Variants in FTSJ1 observed in about 807,000 individuals in gnomAD.
FTSJ1 encodes the protein tRNA (cytidine(32)/guanosine(34)-2'-O)-methyltransferase.
In FTSJ1, 3 loss-of-function variants were observed where a neutral mutation model predicts 28.5. That is an observed-to-expected ratio of 0.11 (90% confidence interval 0.05 to 0.27). The LOEUF (loss-of-function observed/expected upper bound fraction) is 0.27, where lower values mean the gene tolerates loss of function less well. Among genes scored for constraint, FTSJ1 ranks in the 10% least tolerant of loss-of-function variants. The probability of loss-of-function intolerance (pLI) is 1.00; values close to 1 mark genes in which losing one functional copy is unlikely to be tolerated. For synonymous variants in FTSJ1, 104 were observed against 113.9 expected (o/e 0.91, Z 0.55); for missense variants, 162 against 279.0 (o/e 0.58, Z 2.99).
In FTSJ1 at chrX:48,482,669, T is replaced by G; in HGVS notation, c.832T>G (p.Cys278Gly). 1 of 1,205,327 alleles carries G rather than the reference T, an allele frequency of 8.3e-7. No individual in the cohort carries two copies. Among genetic ancestry groups the G allele is most frequent in the Non-Finnish European group, 1.1e-6 (1 of 891,838 alleles). The change falls in exon 11 of 13, where the codon TGC (cysteine) becomes GGC (glycine). Residue 278 changes from cysteine (C) to glycine (G), a missense_variant. Coordinates refer to ENST00000348411, the MANE Select transcript of FTSJ1 (RefSeq NM_012280.4). Reference protein sequence around the residue: ...PPISPPYQEACTLKRKGQLAK... With the variant: ...PPISPPYQEAGTLKRKGQLAK... ...CATCTCGCCACCATACCAGGAGGCC[T>G]GCACGTTGAAGAGGAAGGGGCAGCT...
intron 1 of FTSJ1, among the ~76,000 whole-genome samples, chrX:48,476,926 G>A (rs2061535918): frequency 9.0e-6 from 1 of 110,667 alleles, no homozygotes; most frequent in African/African-American, 3.3e-5. Context: ...ATGGGGCATC[G>A]TAATGGCAAG....
At position 48,486,114 on chromosome X, in the gene FTSJ1, T is replaced by TG. The variant is rs2061601620; in HGVS notation, c.*389dup. 1 of 112,328 alleles carries TG rather than the reference T, an allele frequency of 8.9e-6. No homozygotes were observed. Among genetic ancestry groups the TG allele is most frequent in the South Asian group, 3.7e-4 (1 of 2,725 alleles). 9.3% of individuals were successfully genotyped at this position (112,328 alleles called of 1,213,427 possible). ...TTTAGCCTTACTCCCAAGTTATAAA[T>TG]GCTGGCAACAAATCACAGTAGTAAA... On this transcript the variant is annotated 3_prime_UTR_variant, in exon 13 of 13. Transcript: ENST00000348411.
At chrX:48,476,525 G>C in intron 1 of FTSJ1, 129 bp downstream of exon 1, 1 of 270,707 alleles carries the variant, frequency 3.7e-6, no homozygotes, top group Non-Finnish European at 6.5e-6. Flanking sequence ...TCGGGCGGCT[G>C]GCACCGGGTG....
At chrX:48,476,692 GT>G (rs1343029365) in intron 1 of FTSJ1, 20 of 126,496 alleles carry the variant, frequency 1.6e-4, no homozygotes, top group African/African-American at 5.7e-4. Flanking sequence ...GGGACGGGGA[GT>G]GTGGTCAGAA....
At chrX:48,479,775 C>T (rs183015252) in intron 5 of FTSJ1, among the ~76,000 whole-genome samples, 2 of 111,712 alleles carry the variant, frequency 1.8e-5, no homozygotes, top group Admixed American at 9.5e-5. Context: ...CCCAAGAGGT[C>T]GAGGTTACAG....
intron 5 of FTSJ1, among the ~76,000 whole-genome samples, chrX:48,480,503 G>C (rs2061561831): frequency 9.1e-6 from 1 of 109,616 alleles, no homozygotes; most frequent in South Asian, 4.0e-4. Context: ...TGAGGCTGTT[G>C]GCATTTTCAC....
At chrX:48,480,217 T>C (rs1048396338) in intron 5 of FTSJ1, among the ~76,000 whole-genome samples, 4 of 109,559 alleles carry the variant, frequency 3.7e-5, no homozygotes, top group Non-Finnish European at 3.8e-5. Flanking sequence ...GGAGTACCTG[T>C]TGGAATTTTA....
chrX:48,483,067 A>G (rs1324921976), intron 12 of FTSJ1, 40 bp downstream of exon 12: 2 of 1,043,951 alleles, frequency 1.9e-6, no homozygotes, highest in Non-Finnish European at 2.7e-6. Flanking sequence ...AGTAAGGGCA[A>G]CCTTTATGAA....
intron 12 of FTSJ1, among the ~76,000 whole-genome samples, chrX:48,484,418 C>T (rs2061589291): frequency 1.9e-5 from 2 of 107,870 alleles, no homozygotes; most frequent in Admixed American, 2.0e-4. Flanking sequence ...CTCGCTCTGT[C>T]GCCCAGGCTG....
At chrX:48,483,998 G>A (rs1349939431) in intron 12 of FTSJ1, among the ~76,000 whole-genome samples, 4 of 111,268 alleles carry the variant, frequency 3.6e-5, no homozygotes, top group Non-Finnish European at 7.5e-5. Context: ...CTAAAACCAC[G>A]ATGTTAGAGG....
intron 11 of FTSJ1, 25 bp downstream of exon 11, chrX:48,482,819 G>A: frequency 8.3e-7 from 1 of 1,206,615 alleles, no homozygotes; most frequent in Non-Finnish European, 1.1e-6. Context: ...CTCTCAGCCT[G>A]CCTTGACCCC....
Position 48,476,246 on chromosome X carries a change from C to A in FTSJ1, c.-238C>A, listed in dbSNP as rs782305846. ...CCGGAACCTGGGCGATCCACGATGCCGAGTTTGCCACGCTGCGACAGCCCA... is the reference window on the plus strand; with the variant it reads ...CCGGAACCTGGGCGATCCACGATGCAGAGTTTGCCACGCTGCGACAGCCCA... On this transcript the variant is annotated 5_prime_UTR_variant, in exon 1 of 13. Coordinates refer to ENST00000348411, the MANE Select transcript of FTSJ1 (RefSeq NM_012280.4). 24 of 297,568 alleles carry A rather than the reference C, an allele frequency of 8.1e-5. No homozygotes were observed. The highest frequency in any genetic ancestry group is 5.1e-4 in the African/African-American group (19 of 37,078). The allele number at this position is 297,568 out of a possible 1,213,427, so 24.5% of individuals were successfully genotyped here.
chrX:48,478,630 G>A lies in FTSJ1; in HGVS notation c.205G>A (p.Gly69Ser), dbSNP rs782012239. 21 of 1,208,365 alleles carry A rather than the reference G, an allele frequency of 1.7e-5. No individual in the cohort carries two copies. The highest frequency in any genetic ancestry group is 2.4e-5 in the Non-Finnish European group (21 of 892,948). ...TGTTGTCCACAGGGGCCAAGGGTCC[G>A]GCCACGTGGTGGCTGTGGACCTGCA... ...LSQKIGGQGS[G>S]HVVAVDLQAM... The change falls in exon 4 of 13, where the codon GGC (glycine) becomes AGC (serine). Residue 69 changes from glycine (G) to serine (S), a missense_variant. Transcript: ENST00000348411.
At chrX:48,477,899 G>A in intron 1 of FTSJ1, 62 bp from the exon 2 acceptor site, 1 of 854,749 alleles carries the variant, frequency 1.2e-6, no homozygotes, top group Non-Finnish European at 1.7e-6. Context: ...CATCTTCTGT[G>A]TGAGCTGTCA....
At chrX:48,477,717 G>C (rs2061542048) in intron 1 of FTSJ1, among the ~76,000 whole-genome samples, 1 of 110,644 alleles carries the variant, frequency 9.0e-6, no homozygotes, top group Admixed American at 9.6e-5. Flanking sequence ...GTTCACAAGT[G>C]GGCCATCTAT....
Position 48,486,310 on chromosome X carries a change from G to T in FTSJ1, c.*584G>T, listed in dbSNP as rs1963802625. 1.8e-5 allele frequency: 2 copies of T among 111,618 alleles called. No individual in the cohort carries two copies. The highest frequency in any genetic ancestry group is 7.5e-4 in the South Asian group (2 of 2,670). 9.2% of individuals were successfully genotyped at this position (111,618 alleles called of 1,213,427 possible). A position where few individuals can be genotyped will look rare whatever the true frequency, so the allele number is the denominator to read the frequency against. On this transcript the variant is annotated 3_prime_UTR_variant, in exon 13 of 13. Coordinates refer to ENST00000348411, the MANE Select transcript of FTSJ1 (RefSeq NM_012280.4). ...CCATATATTACTGCATCTCAATTTT[G>T]TTTCAATTTAATATATAGTAATAAT...
In FTSJ1 at chrX:48,478,179, G is replaced by A. The variant is rs1556967012; in HGVS notation, c.121+11G>A. 8.3e-7 allele frequency: 1 copy of A among 1,202,901 alleles called. No homozygotes were observed. The highest frequency in any genetic ancestry group is 3.0e-5 in the East Asian group (1 of 33,691). On this transcript the variant is annotated intron_variant, in intron 2 of 12. Coordinates refer to ENST00000348411, the MANE Select transcript of FTSJ1 (RefSeq NM_012280.4). The stretch of plus-strand genomic sequence containing the variant: ...TCCAACTCTTCCAAGGTCCCTGACT[G>A]GTGGGCAGGTCACTGGGCGGTGAGG...
Position 48,486,253 on chromosome X carries a change from G to C in FTSJ1, c.*527G>C, listed in dbSNP as rs2061602195. Reference sequence around the variant, plus strand: ...TTTGTCACCTCTTGGAATGATAGCAGATCCTGTAAGTTGATGTATTAATTA... The same window carrying C: ...TTTGTCACCTCTTGGAATGATAGCACATCCTGTAAGTTGATGTATTAATTA... On this transcript the variant is annotated 3_prime_UTR_variant, in exon 13 of 13. Transcript: ENST00000348411. The C allele has an allele frequency of 9.0e-6, 1 of 111,619 alleles. No homozygotes were observed. The highest frequency in any genetic ancestry group is 1.9e-5 in the Non-Finnish European group (1 of 53,180). The allele number at this position is 111,619 out of a possible 1,213,427, so 9.2% of individuals were successfully genotyped here.
intron 12 of FTSJ1, among the ~76,000 whole-genome samples, chrX:48,483,613 G>A (rs2061583153): frequency 9.0e-6 from 1 of 110,545 alleles, no homozygotes; most frequent in Non-Finnish European, 1.9e-5. Context: ...AGCCTCTCAA[G>A]TAGCTGGGAC....
Sources: gnomAD v4.1 joint callset for allele counts (sites outside exome capture counted in the v4.1 genomes callset) on GRCh38, gnomAD v4.1.1 for gene constraint, MANE v1.5 for transcripts, NCBI Gene and HGNC (gene_info 2026-07-23, HGNC 2026-07-21) for gene names.